TRAK1: variants seen among roughly 807,000 people sequenced by gnomAD.
TRAK1 encodes trafficking kinesin-binding protein 1.
TRAK1 carries 33 observed loss-of-function variants against 92.1 expected under a neutral mutation model. That is an observed-to-expected ratio of 0.36 (90% confidence interval 0.27 to 0.48). TRAK1 has a LOEUF of 0.48. TRAK1 is among the 20% of genes least tolerant of loss of function. TRAK1 has a pLI of 0.99. For synonymous variants in TRAK1, 521 were observed against 517.3 expected, an observed-to-expected ratio of 1.01 and a Z score of -0.10; for missense variants, 1,123 against 1,257.9, an observed-to-expected ratio of 0.89 and a Z score of 1.62.
At chr3:42,166,400 G>A (rs1399125286) in intron 2 of TRAK1, among the ~76,000 whole-genome samples, 2 of 152,110 alleles carry the variant, frequency 1.3e-5, no homozygotes, top group Non-Finnish European at 2.9e-5. Flanking sequence ...GTGATAAATG[G>A]CCACTATAGA....
intron 3 of TRAK1, among the ~76,000 whole-genome samples, chr3:42,180,435 C>T (rs1703837468): frequency 6.6e-6 from 1 of 152,030 alleles, no homozygotes. Flanking sequence ...AAGTTTGAGA[C>T]CAGCCTGGGT....
chr3:42,085,005 A>G (rs1440979019), upstream of TRAK1, among the ~76,000 whole-genome samples: 4 of 151,996 alleles, frequency 2.6e-5, no homozygotes, highest in African/African-American at 9.7e-5. Flanking sequence ...TCATTTATAC[A>G]GGCTGAGTAT....
At chr3:42,118,262 T>G (rs9681490) in intron 1 of TRAK1, among the ~76,000 whole-genome samples, 3,683 of 152,136 alleles carry the variant, frequency 0.024, 164 homozygotes, top group African/African-American at 0.084. Flanking sequence ...TTTTTTTTTT[T>G]TGTATTTTTA....
At chr3:42,087,886 C>A (rs972147993), upstream of TRAK1, among the ~76,000 whole-genome samples, 3 of 152,180 alleles carry the variant, frequency 2.0e-5, no homozygotes, top group South Asian at 2.1e-4. Context: ...TTTACAGATA[C>A]CTGTGTCAGT....
chr3:42,030,372 A>ATAT lies in TRAK1; in HGVS notation c.-519+16255_-519+16256insTAT, dbSNP rs1553701574. On this transcript the variant is annotated intron_variant, in intron 1 of 16. Coordinates refer to the TRAK1 transcript ENST00000487159. ...GCGAGACCCTGTCTCTAAAAAAAAA[A>ATAT]ATATATATATATATATATGGCCGGG... 2.3e-5 allele frequency among the ~76,000 whole-genome samples: 3 copies of ATAT among 132,316 alleles called. No individual in the cohort carries two copies. In the Admixed American group the frequency reaches 2.4e-4, roughly 11 times the overall value. 86.8% of individuals were successfully genotyped at this position (132,316 alleles called of 152,430 possible).
intron 13 of TRAK1, 48 bp from the exon 14 acceptor site, chr3:42,209,719 C>T: frequency 6.4e-7 from 1 of 1,569,584 alleles, no homozygotes; most frequent in Non-Finnish European, 8.7e-7. Flanking sequence ...TCCATCCTAA[C>T]CCTCTCTTCT....
chr3:42,100,529 T>C lies in TRAK1; in HGVS notation c.91+8969T>C, dbSNP rs1448791322. On this transcript the variant is annotated intron_variant, in intron 1 of 15. Transcript: ENST00000327628. ...GAACTAATTCCAGAAGTAGTTTTTG[T>C]AAGGGACGGTGTCATTATAGCCAAG... is the stretch of plus-strand genomic sequence containing the variant. Among the ~76,000 whole-genome samples the C allele has an allele frequency of 3.3e-5, 5 of 152,238 alleles. No homozygotes were observed. In the South Asian group the frequency reaches 6.2e-4, roughly 19 times the overall value.
At chr3:42,052,410 G>C (rs576239165) in intron 1 of TRAK1, among the ~76,000 whole-genome samples, 1 of 152,198 alleles carries the variant, frequency 6.6e-6, no homozygotes, top group Non-Finnish European at 1.5e-5. Context: ...TTGTAGACTG[G>C]TGCAAAAGTC....
Position 42,224,338 on chromosome 3 carries a change from G to A in TRAK1, c.*601G>A, listed in dbSNP as rs1321221426. The A allele has an allele frequency of 3.5e-6, 1 of 285,384 alleles. No homozygotes were observed. Among genetic ancestry groups the A allele is most frequent in the Non-Finnish European group, 6.7e-6 (1 of 148,644 alleles). The allele number at this position is 285,384 out of a possible 1,614,324, so 17.7% of individuals were successfully genotyped here. On this transcript the variant is annotated 3_prime_UTR_variant, in exon 16 of 16. Coordinates refer to ENST00000327628, the MANE Select transcript of TRAK1 (RefSeq NM_001042646.3). ...CTCAGTGGACAGTCGTTTCTTTTTT[G>A]AGGTGTGACCTTTTGTTTTCATGCC... is the stretch of plus-strand genomic sequence containing the variant.
At chr3:42,115,376 G>A (rs1031970132) in intron 1 of TRAK1, among the ~76,000 whole-genome samples, 9 of 152,064 alleles carry the variant, frequency 5.9e-5, no homozygotes, top group African/African-American at 2.2e-4. Flanking sequence ...GCATGCCCAA[G>A]TGGAATGCGC....
At chr3:42,014,824 T>G (rs1374705422) in intron 1 of TRAK1, among the ~76,000 whole-genome samples, 1 of 151,156 alleles carries the variant, frequency 6.6e-6, no homozygotes, top group African/African-American at 2.4e-5. Context: ...TTTTTTCTGA[T>G]ATGCTTCACT....
intron 2 of TRAK1, chr3:42,160,487 T>G: frequency 6.2e-7 from 1 of 1,613,400 alleles, no homozygotes; most frequent in East Asian, 2.2e-5. Flanking sequence ...AATTCTGTAC[T>G]TGGCTCAGAT....
chr3:42,092,262 T>C (rs1202245236), intron 1 of TRAK1, among the ~76,000 whole-genome samples: 2 of 152,034 alleles, frequency 1.3e-5, no homozygotes, highest in African/African-American at 4.8e-5. Flanking sequence ...TGATGACCCA[T>C]CTGGTTTCTG....
At chr3:42,191,686 A>T in intron 7 of TRAK1, 50 bp downstream of exon 7, 1 of 1,546,584 alleles carries the variant, frequency 6.5e-7, no homozygotes, top group East Asian at 2.4e-5. Flanking sequence ...TGCTGTCATG[A>T]TTAGACAGAT....
chr3:42,097,375 G>T (rs1364405781), intron 1 of TRAK1, among the ~76,000 whole-genome samples: 1 of 152,184 alleles, frequency 6.6e-6, no homozygotes, highest in Non-Finnish European at 1.5e-5. Context: ...AGTCATAGAG[G>T]TTGTATATGG....
intron 13 of TRAK1, chr3:42,204,161 C>T: frequency 2.0e-6 from 2 of 985,770 alleles, no homozygotes; most frequent in Non-Finnish European, 2.4e-6. Flanking sequence ...GTGTGTTCTT[C>T]AATAAAATCT....
chr3:42,223,666 A>G lies in TRAK1; in HGVS notation c.2791A>G (p.Lys931Glu). 1.2e-6 allele frequency: 2 copies of G among 1,614,060 alleles called. No individual in the cohort carries two copies. The highest frequency in any genetic ancestry group is 3.3e-4 in the Middle Eastern group (2 of 6,062). The change falls in exon 16 of 16, where the codon AAA (lysine) becomes GAA (glutamate). Residue 931 changes from lysine to glutamate, a missense_variant. By Grantham distance (56) the Lys-to-Glu change is moderately conservative (BLOSUM62 1). Around this residue, in one of 3 missense-constraint regions of TRAK1, gnomAD observed 401 missense variants for 438.9 expected, o/e 0.91. Coordinates refer to ENST00000327628, the MANE Select transcript of TRAK1 (RefSeq NM_001042646.3). This position sits in a 1 kb window ranked among gnomAD's most constrained non-coding sequence, Gnocchi z 6.1. ...CATGGTGGGATCTAGCATGCAGATG[A>G]AAGCTCCTGTGACTCTCACCTCGGG... Reference protein sequence around the residue: ...PTMVGSSMQMKAPVTLTSGIL... With the variant: ...PTMVGSSMQMEAPVTLTSGIL...
chr3:42,220,560 CAG>C (rs1264225345), intron 15 of TRAK1: 38 of 985,296 alleles, frequency 3.9e-5, no homozygotes, highest in Non-Finnish European at 4.2e-5. Context: ...AGATATAGGG[CAG>C]AGAGTCTGAG....
chr3:42,105,022 G>C (rs1409011126), intron 1 of TRAK1, among the ~76,000 whole-genome samples: 1 of 150,670 alleles, frequency 6.6e-6, no homozygotes, highest in Admixed American at 6.6e-5. Context: ...CTCGGTCTTG[G>C]CTCACCGCAA....
Sources: gnomAD v4.1 joint callset for allele counts (sites outside exome capture counted in the v4.1 genomes callset) on GRCh38, gnomAD v4.1.1 for gene constraint, gnomAD v4.1.1 regional missense constraint, Gnocchi (gnomAD v3.1) non-coding constraint, MANE v1.5 for transcripts, NCBI Gene and HGNC (gene_info 2026-07-23, HGNC 2026-07-21) for gene names.